STX8: variants seen among roughly 807,000 people sequenced by gnomAD.
The protein encoded by STX8 is syntaxin-8.
Under a neutral mutation model 37.5 loss-of-function variants are expected in STX8, and 23 were observed. That is an observed-to-expected ratio of 0.61 (90% CI 0.44 to 0.87). STX8 has a LOEUF of 0.87. Among genes scored for constraint, STX8 ranks in the 40% least tolerant of loss-of-function variants. The probability of loss-of-function intolerance (pLI) is 0.00; values close to 1 mark genes in which losing one functional copy is unlikely to be tolerated. For synonymous variants in STX8, 115 were observed against 99.1 expected (o/e 1.16, Z -0.95); for missense variants, 313 against 284.7 (o/e 1.10, Z -0.71).
intron 7 of STX8, among the ~76,000 whole-genome samples, chr17:9,269,050 G>A (rs1387050369): frequency 1.3e-5 from 2 of 152,120 alleles, no homozygotes; most frequent in Non-Finnish European, 2.9e-5. Flanking sequence ...AGCTGGGCAT[G>A]GTGGCGGGCG....
intron 3 of STX8, chr17:9,553,052 A>G (rs1906832484): frequency 1.3e-5 from 2 of 152,214 alleles, no homozygotes; most frequent in African/African-American, 2.4e-5. Context: ...AAATAAGTAA[A>G]GGTGCTGCCT....
chr17:9,372,801 T>A (rs1279859288), intron 7 of STX8, among the ~76,000 whole-genome samples: 3 of 112,538 alleles, frequency 2.7e-5, no homozygotes, highest in Non-Finnish European at 3.8e-5. Flanking sequence ...TTTTTTTTTT[T>A]AAGGAAAATA....
Position 9,284,834 on chromosome 17 carries a change from G to C in STX8, c.644-34189C>G, listed in dbSNP as rs1293386013. Among the ~76,000 whole-genome samples, 3 of 152,166 alleles carry C rather than the reference G, an allele frequency of 2.0e-5. No homozygotes were observed. In the East Asian group the frequency reaches 5.8e-4, roughly 29 times the overall value. On this transcript the variant is annotated intron_variant, in intron 7 of 7. Coordinates refer to ENST00000306357, the MANE Select transcript of STX8 (RefSeq NM_004853.3). The stretch of plus-strand genomic sequence containing the variant: ...GTAAAATTAACCTCAAAAAGTTTCT[G>C]ACTTGACTTTCTAGGGGCCGAAACA...
At chr17:9,273,310 T>G (rs753193255) in intron 7 of STX8, 1 of 152,242 alleles carries the variant, frequency 6.6e-6, no homozygotes, top group Non-Finnish European at 1.5e-5. Flanking sequence ...ATTCTCCTTT[T>G]TGGGTCCAAA....
rs576713906 is a variant in STX8, at chr17:9,292,449, CA to C, written c.644-41805del. Reference sequence around the variant, plus strand: ...GTGCTTTTCTAAGCCACAGCTTGAACAAAAATAGAATCTGTTTATTAAACTT... The same window carrying C: ...GTGCTTTTCTAAGCCACAGCTTGAACAAAATAGAATCTGTTTATTAAACTT... On this transcript the variant is annotated intron_variant, in intron 7 of 7. Transcript: ENST00000306357. 6.6e-4 allele frequency among the ~76,000 whole-genome samples: 101 copies of C among 152,258 alleles called. 2 individuals are homozygous for C. In the South Asian group the frequency reaches 0.02, roughly 30 times the overall value.
chr17:9,528,414 T>C (rs1421418027), intron 4 of STX8, among the ~76,000 whole-genome samples: 1 of 152,160 alleles, frequency 6.6e-6, no homozygotes, highest in Non-Finnish European at 1.5e-5. Context: ...TCTCCGGCCT[T>C]AGCCTCCTGA....
At chr17:9,544,476 T>C (rs184433440) in intron 4 of STX8, among the ~76,000 whole-genome samples, 1 of 151,998 alleles carries the variant, frequency 6.6e-6, no homozygotes, top group African/African-American at 2.4e-5. Flanking sequence ...CCAGTCTTAT[T>C]AGGACTCATG....
chr17:9,533,073 T>A (rs965790787), intron 4 of STX8, among the ~76,000 whole-genome samples: 3 of 152,244 alleles, frequency 2.0e-5, no homozygotes, highest in Non-Finnish European at 4.4e-5. Flanking sequence ...AAGCTACTAC[T>A]TCTCAAAATA....
chr17:9,473,899 C>T (rs61191218), intron 6 of STX8, among the ~76,000 whole-genome samples: 3,302 of 152,266 alleles, frequency 0.022, 109 homozygotes, highest in African/African-American at 0.074. Flanking sequence ...TAATAACTCA[C>T]GGTAGGCTCT....
At chr17:9,439,065 TTTTGA>T (rs1416177543) in intron 6 of STX8, among the ~76,000 whole-genome samples, 1 of 152,196 alleles carries the variant, frequency 6.6e-6, no homozygotes, top group Non-Finnish European at 1.5e-5. Context: ...ACAAAATAGC[TTTTGA>T]TTTTTTTTCA....
At chr17:9,373,214 G>T (rs1911470405) in intron 7 of STX8, among the ~76,000 whole-genome samples, 1 of 151,936 alleles carries the variant, frequency 6.6e-6, no homozygotes, top group Admixed American at 6.6e-5. Flanking sequence ...CTAATATGAA[G>T]GTTCCTCAAA....
chr17:9,505,236 G>C, intron 4 of STX8, 74 bp from the exon 5 acceptor site: 3 of 1,532,686 alleles, frequency 2.0e-6, no homozygotes, highest in Non-Finnish European at 2.6e-6. Flanking sequence ...CACAAGTGCA[G>C]AGGTGGCCAG....
intron 7 of STX8, among the ~76,000 whole-genome samples, chr17:9,308,109 G>T (rs554448565): frequency 6.6e-6 from 1 of 152,310 alleles, no homozygotes; most frequent in South Asian, 2.1e-4. Context: ...CCATTTTTAT[G>T]CTTAGATTCA....
At chr17:9,565,612 C>CA (rs61319674) in intron 2 of STX8, among the ~76,000 whole-genome samples, 3,005 of 72,532 alleles carry the variant, frequency 0.041, 156 homozygotes, top group African/African-American at 0.14. Flanking sequence ...AACACCGTCT[C>CA]AAAAAAAAAA....
chr17:9,442,484 G>A (rs1322713824), intron 6 of STX8, among the ~76,000 whole-genome samples: 1 of 152,168 alleles, frequency 6.6e-6, no homozygotes, highest in Non-Finnish European at 1.5e-5. Flanking sequence ...TCAGCTCACC[G>A]CAACCTCCGC....
intron 3 of STX8, among the ~76,000 whole-genome samples, chr17:9,551,850 G>C (rs1256379540): frequency 1.3e-5 from 2 of 151,658 alleles, no homozygotes; most frequent in Non-Finnish European, 2.9e-5. Flanking sequence ...ATGGCACCTA[G>C]ACATTCAGGT....
intron 7 of STX8, among the ~76,000 whole-genome samples, chr17:9,317,493 C>T (rs546037311): frequency 6.4e-4 from 98 of 152,288 alleles, no homozygotes; most frequent in African/African-American, 7.2e-4. Context: ...TGGCCGGGCG[C>T]GGTGGCTCAC....
chr17:9,536,544 G>A (rs184331670), intron 4 of STX8, among the ~76,000 whole-genome samples: 39 of 152,128 alleles, frequency 2.6e-4, no homozygotes, highest in African/African-American at 9.2e-4. Context: ...GTCAGTCAGA[G>A]TGGGTCAGGA....
rs58316063 is a variant in STX8 at position 9,307,993 on chromosome 17, A to C, written c.644-57348T>G. ...GGAAAGCTACACAGAGAGGCCAAGA[A>C]GACGGAGGTTAGCGATAGAAAAGCA... On this transcript the variant is annotated intron_variant, in intron 7 of 7. Transcript: ENST00000306357. Among the ~76,000 whole-genome samples the C allele has an allele frequency of 9.2e-3, 1,397 of 152,350 alleles. 18 individuals are homozygous for C. The highest frequency in any genetic ancestry group is 0.032 in the African/African-American group (1,334 of 41,578).
Sources: gnomAD v4.1 joint callset for allele counts (sites outside exome capture counted in the v4.1 genomes callset) on GRCh38, gnomAD v4.1.1 for gene constraint, MANE v1.5 for transcripts, NCBI Gene and HGNC (gene_info 2026-07-23, HGNC 2026-07-21) for gene names.